Variants in ADGRB3 observed in about 807,000 individuals in gnomAD.
ADGRB3 encodes brain-specific angiogenesis inhibitor 3.
In ADGRB3, 37 loss-of-function variants were observed where a neutral mutation model predicts 193.4. The ratio of observed to expected loss-of-function variants is 0.19; its 90% confidence interval spans 0.15 to 0.25. The LOEUF (loss-of-function observed/expected upper bound fraction) is 0.25. Among genes scored for constraint, ADGRB3 ranks in the 10% least tolerant of loss-of-function variants. The probability of loss-of-function intolerance (pLI) is 1.00; values close to 1 mark genes in which losing one functional copy is unlikely to be tolerated. For missense variants in ADGRB3, 1,637 were observed against 1,852.9 expected (o/e 0.88, Z 2.14); for synonymous variants, 690 against 644.2 (o/e 1.07, Z -1.08).
intron 17 of ADGRB3, among the ~76,000 whole-genome samples, chr6:69,130,681 G>T (rs1773985289): frequency 1.3e-5 from 2 of 151,548 alleles, no homozygotes; most frequent in Non-Finnish European, 2.9e-5. Flanking sequence ...TATGCATTGT[G>T]TTTCTTGGGG....
intron 17 of ADGRB3, among the ~76,000 whole-genome samples, chr6:69,122,049 C>T (rs62406783): frequency 0.62 from 86,684 of 138,884 alleles, 29,353 homozygotes; most frequent in East Asian, 0.95. Context: ...ACTTCCCAGA[C>T]GGGGTGGTGG....
intron 13 of ADGRB3, among the ~76,000 whole-genome samples, chr6:69,019,441 A>T (rs915083958): frequency 3.2e-4 from 49 of 151,488 alleles, no homozygotes; most frequent in African/African-American, 9.7e-4. Context: ...AGAGAACATA[A>T]TTTTTTTTTA....
chr6:68,687,468 G>A (rs1056628944), intron 3 of ADGRB3, among the ~76,000 whole-genome samples: 1 of 152,040 alleles, frequency 6.6e-6, no homozygotes, highest in African/African-American at 2.4e-5. Context: ...CACCAAGAAG[G>A]CTAAGGTATC....
intron 6 of ADGRB3, among the ~76,000 whole-genome samples, chr6:68,949,657 A>T (rs1767863976): frequency 6.6e-6 from 1 of 152,000 alleles, no homozygotes; most frequent in Non-Finnish European, 1.5e-5. Context: ...ATAATTTGTA[A>T]CTCAAATACT....
intron 11 of ADGRB3, among the ~76,000 whole-genome samples, chr6:68,995,030 A>G (rs1769345068): frequency 6.6e-6 from 1 of 152,196 alleles, no homozygotes; most frequent in Admixed American, 6.5e-5. Flanking sequence ...TACTGCTGAA[A>G]GAAACTGCTA....
chr6:69,356,631 G>C (rs566890003), intron 28 of ADGRB3, among the ~76,000 whole-genome samples: 1 of 152,188 alleles, frequency 6.6e-6, no homozygotes, highest in South Asian at 2.1e-4. Flanking sequence ...AATGGTTGTT[G>C]GGTGTAAGGC....
chr6:68,740,440 G>T (rs1374966927), intron 3 of ADGRB3, among the ~76,000 whole-genome samples: 1 of 152,042 alleles, frequency 6.6e-6, no homozygotes, highest in African/African-American at 2.4e-5. Context: ...TCAATAAGAA[G>T]CAAGTAAATA....
chr6:69,033,602 A>G (rs1770777826), intron 13 of ADGRB3, among the ~76,000 whole-genome samples: 1 of 152,158 alleles, frequency 6.6e-6, no homozygotes, highest in Non-Finnish European at 1.5e-5. Flanking sequence ...TGGCTAGTTT[A>G]GCATATTTTT....
At chr6:68,706,574 A>G (rs963425186) in intron 3 of ADGRB3, among the ~76,000 whole-genome samples, 1 of 152,196 alleles carries the variant, frequency 6.6e-6, no homozygotes, top group African/African-American at 2.4e-5. Context: ...TCTGCCACTT[A>G]CTAGCAATGT....
At chr6:68,757,940 C>T (rs957192741) in intron 3 of ADGRB3, among the ~76,000 whole-genome samples, 3 of 151,974 alleles carry the variant, frequency 2.0e-5, no homozygotes, top group African/African-American at 4.8e-5. Flanking sequence ...CTACTTAAAG[C>T]TTTGATCAGA....
intron 30 of ADGRB3, among the ~76,000 whole-genome samples, chr6:69,376,598 G>A (rs1216789209): frequency 1.3e-5 from 2 of 151,498 alleles, no homozygotes; most frequent in Non-Finnish European, 3.0e-5. Flanking sequence ...GATAATAGAA[G>A]TAAGAGATCA....
intron 30 of ADGRB3, among the ~76,000 whole-genome samples, chr6:69,375,203 T>C (rs947236452): frequency 5.9e-5 from 9 of 152,168 alleles, no homozygotes; most frequent in Non-Finnish European, 4.4e-5. Flanking sequence ...TGCTTGTTGT[T>C]GTTGCTGCTG....
intron 12 of ADGRB3, among the ~76,000 whole-genome samples, chr6:69,015,524 T>A (rs1216087724): frequency 6.6e-6 from 1 of 151,976 alleles, no homozygotes; most frequent in Non-Finnish European, 1.5e-5. Flanking sequence ...AGCCGTGTGG[T>A]GAATGGGTCT....
chr6:68,870,789 T>C (rs995994401), intron 3 of ADGRB3, among the ~76,000 whole-genome samples: 1 of 152,096 alleles, frequency 6.6e-6, no homozygotes, highest in Admixed American at 6.5e-5. Context: ...CCTCGTTGGG[T>C]TTCATGAGGC....
rs1768776966 is a variant in ADGRB3 at position 69,333,752 on chromosome 6, A to G, written c.3188+744A>G. Among the ~76,000 whole-genome samples the G allele has an allele frequency of 2.0e-5, 3 of 150,018 alleles. No individual in the cohort carries two copies. The Admixed American group carries it at 2.0e-4, about 10-fold the overall frequency. ...ATCACGAGATCGAGACCACAGTGAA[A>G]CCCCGTCTCTACTAAAAATGCAAAA... On this transcript the variant is annotated intron_variant, in intron 24 of 31. Coordinates refer to ENST00000370598, the MANE Select transcript of ADGRB3 (RefSeq NM_001704.3).
chr6:68,943,290 G>A (rs988716619), intron 5 of ADGRB3, among the ~76,000 whole-genome samples: 2 of 151,948 alleles, frequency 1.3e-5, no homozygotes, highest in Admixed American at 6.6e-5. Flanking sequence ...ATTTTTAAAT[G>A]GCAAAAAATC....
intron 17 of ADGRB3, among the ~76,000 whole-genome samples, chr6:69,086,930 C>T (rs1327239485): frequency 6.6e-6 from 1 of 152,092 alleles, no homozygotes; most frequent in African/African-American, 2.4e-5. Flanking sequence ...GTGTGGATAT[C>T]TGTGTGCTGA....
At chr6:68,742,221 T>C (rs1765995880) in intron 3 of ADGRB3, among the ~76,000 whole-genome samples, 1 of 152,210 alleles carries the variant, frequency 6.6e-6, no homozygotes, top group Non-Finnish European at 1.5e-5. Flanking sequence ...GGCTTCTTCA[T>C]GATGTAAACT....
intron 13 of ADGRB3, among the ~76,000 whole-genome samples, chr6:69,038,329 GACACAC>G (rs35438298): frequency 2.0e-5 from 3 of 149,560 alleles, no homozygotes; most frequent in Non-Finnish European, 4.5e-5. Flanking sequence ...TGAATACACA[GACACAC>G]ACACACACAC....
Sources: allele counts gnomAD v4.1 joint callset (sites outside exome capture counted in the v4.1 genomes callset), GRCh38; gene constraint gnomAD v4.1.1; transcripts MANE v1.5; gene names NCBI Gene and HGNC (gene_info 2026-07-23, HGNC 2026-07-21).